FOXF2: variants seen among roughly 807,000 people sequenced by gnomAD.
FOXF2 encodes the protein forkhead box F2.
Under a neutral mutation model 29.1 loss-of-function variants are expected in FOXF2, and 15 were observed. That is an observed-to-expected ratio of 0.52 (90% CI 0.35 to 0.79). FOXF2 has a LOEUF of 0.79. Among genes scored for constraint, FOXF2 ranks in the 30% least tolerant of loss-of-function variants. The pLI, the probability that FOXF2 is intolerant of heterozygous loss-of-function variation, is 0.01. For synonymous variants in FOXF2, 337 were observed against 316.5 expected, an observed-to-expected ratio of 1.06 and a Z score of -0.69; for missense variants, 675 against 667.1, an observed-to-expected ratio of 1.01 and a Z score of -0.13.
chr6:1,394,607 C>G, intron 1 of FOXF2, 89 bp from the exon 2 acceptor site: 1 of 1,285,038 alleles, frequency 7.8e-7, no homozygotes, highest in Non-Finnish European at 1.1e-6. Flanking sequence ...CACAGCAGCA[C>G]CTTTTGTACT....
rs2113367345 is a variant in FOXF2, at chr6:1,390,151, C to T, written c.204C>T (p.Ala68=). The change falls in exon 1 of 2, where the codon GCC becomes GCT. Residue 68 remains alanine, a synonymous_variant. Coordinates refer to ENST00000645481, the MANE Select transcript of FOXF2 (RefSeq NM_001452.2). The surrounding 1 kb of genome is among the most constrained non-coding windows in gnomAD (Gnocchi z 8.5). Reference sequence around the variant, plus strand: ...CGTCCTCCTCCAATTCGGCCAGCGCCCCCTCGGCTGCCTGCAAGAGCGCGG... The same window carrying T: ...CGTCCTCCTCCAATTCGGCCAGCGCTCCCTCGGCTGCCTGCAAGAGCGCGG... ...SSSSSSNSAS[A]PSAACKSAGG... is the part of the protein sequence containing the mutation. 6.8e-7 allele frequency: 1 copy of T among 1,460,776 alleles called. No homozygotes were observed. Among genetic ancestry groups the T allele is most frequent in the Non-Finnish European group, 9.1e-7 (1 of 1,096,366 alleles). 90.5% of individuals were successfully genotyped at this position (1,460,776 alleles called of 1,614,324 possible). A position where few individuals can be genotyped will look rare whatever the true frequency, so the allele number is the denominator to read the frequency against.
rs923696923 is a variant in FOXF2, at chr6:1,390,506, G to A, written c.559G>A (p.Gly187Ser). 6.2e-6 allele frequency: 10 copies of A among 1,610,934 alleles called. No individual in the cohort carries two copies. Among genetic ancestry groups the A allele is most frequent in the Non-Finnish European group, 8.5e-6 (10 of 1,179,528 alleles). ...GGCCAGCGAGTTCATGTTCGAGGAG[G>A]GCTCGTTCCGCCGCCGGCCGCGCGG... Reference protein sequence around the residue: ...DPASEFMFEEGSFRRRPRGFR... With the variant: ...DPASEFMFEESSFRRRPRGFR... Residue 187 changes from glycine (G) to serine (S), a missense_variant, in exon 1 of 2, where the codon GGC (glycine) becomes AGC (serine). Gly to Ser is a moderately conservative substitution (Grantham distance 56). Transcript: ENST00000645481. This position sits in a 1 kb window ranked among gnomAD's most constrained non-coding sequence, Gnocchi z 8.5.
Position 1,390,156 on chromosome 6 carries a change from C to G in FOXF2, c.209C>G (p.Ser70Trp). Residue 70 changes from serine (S) to tryptophan (W), a missense_variant, in exon 1 of 2, where the codon TCG (serine) becomes TGG (tryptophan). Physicochemically the swap from Ser to Trp is radical, Grantham distance 177. Transcript: ENST00000645481. This position sits in a 1 kb window ranked among gnomAD's most constrained non-coding sequence, Gnocchi z 8.5. ...SSSSNSASAP[S>W]AACKSAGGGG... ...TCCTCCAATTCGGCCAGCGCCCCCT[C>G]GGCTGCCTGCAAGAGCGCGGGCGGC... The G allele has an allele frequency of 6.8e-7, 1 of 1,461,376 alleles. No individual in the cohort carries two copies. Among genetic ancestry groups the G allele is most frequent in the African/African-American group, 1.5e-5 (1 of 67,404 alleles). The allele number at this position is 1,461,376 out of a possible 1,614,324, so 90.5% of individuals were successfully genotyped here.
In FOXF2 at chr6:1,390,796, C is replaced by T; in HGVS notation, c.849C>T (p.Thr283=). ...VPHMSPNPGS[T]YMASCPVPAG... ...ACATGTCGCCCAACCCGGGTTCCAC[C>T]TACATGGCCAGCTGCCCGGTGCCCG... The change falls in exon 1 of 2, where the codon ACC becomes ACT. Residue 283 remains threonine (T), a synonymous_variant. Transcript: ENST00000645481. This position sits in a 1 kb window ranked among gnomAD's most constrained non-coding sequence, Gnocchi z 8.5. 7.2e-7 allele frequency: 1 copy of T among 1,386,866 alleles called. No individual in the cohort carries two copies. 85.9% of individuals were successfully genotyped at this position (1,386,866 alleles called of 1,614,324 possible). A position where few individuals can be genotyped will look rare whatever the true frequency, so the allele number is the denominator to read the frequency against.
intron 1 of FOXF2, among the ~76,000 whole-genome samples, chr6:1,392,632 T>C (rs1193927966): frequency 1.3e-5 from 2 of 151,160 alleles, no homozygotes; most frequent in Non-Finnish European, 2.9e-5. Flanking sequence ...AACCGTACTC[T>C]AGGAAGAAAA....
At chr6:1,392,891 T>C (rs963104719) in intron 1 of FOXF2, among the ~76,000 whole-genome samples, 2 of 152,096 alleles carry the variant, frequency 1.3e-5, no homozygotes, top group African/African-American at 4.8e-5. Flanking sequence ...GGGGAGACAA[T>C]AGCTCGGGCC....
In FOXF2 at chr6:1,390,191, G is replaced by A. The variant is rs1245090174; in HGVS notation, c.244G>A (p.Gly82Ser). Residue 82 changes from glycine to serine, a missense_variant, in exon 1 of 2, where the codon GGC becomes AGC. This residue lies in a region of FOXF2 where 220 missense variants were observed against 205.5 expected (regional missense o/e 1.07). Coordinates refer to ENST00000645481, the MANE Select transcript of FOXF2 (RefSeq NM_001452.2). The surrounding 1 kb of genome is among the most constrained non-coding windows in gnomAD (Gnocchi z 8.5). ...ACKSAGGGGA[G>S]AGSGGAKKAS... The stretch of plus-strand genomic sequence containing the variant: ...CAAGAGCGCGGGCGGCGGCGGCGCG[G>A]GCGCCGGGAGCGGGGGCGCCAAGAA... 6.8e-7 allele frequency: 1 copy of A among 1,480,702 alleles called. No individual in the cohort carries two copies. Among genetic ancestry groups the A allele is most frequent in the South Asian group, 1.3e-5 (1 of 75,062 alleles). The allele number at this position is 1,480,702 out of a possible 1,614,324, so 91.7% of individuals were successfully genotyped here.
chr6:1,394,485 T>C (rs1457915442), intron 1 of FOXF2, among the ~76,000 whole-genome samples: 1 of 152,150 alleles, frequency 6.6e-6, no homozygotes, highest in Non-Finnish European at 1.5e-5. Context: ...TGTGCGAGCA[T>C]CAAAACAAAA....
rs1311180499 is a variant in FOXF2, at chr6:1,395,208, G to A, written c.*349G>A. The A allele has an allele frequency of 6.4e-6, 2 of 311,724 alleles. No homozygotes were observed. The highest frequency in any genetic ancestry group is 1.2e-5 in the Non-Finnish European group (2 of 164,242). 19.3% of individuals were successfully genotyped at this position (311,724 alleles called of 1,614,324 possible). On this transcript the variant is annotated 3_prime_UTR_variant, in exon 2 of 2. Coordinates refer to ENST00000645481, the MANE Select transcript of FOXF2 (RefSeq NM_001452.2). ...TGTGAAAAAAGCAGACAAGTTGTGT[G>A]TGTGTGTGTGTGTCTAAGAAAACTT...
chr6:1,393,639 G>GC (rs1273450337), intron 1 of FOXF2, among the ~76,000 whole-genome samples: 1 of 152,170 alleles, frequency 6.6e-6, no homozygotes, highest in Non-Finnish European at 1.5e-5. Context: ...CAGGGCCCGA[G>GC]CCCGGCGGGC....
In FOXF2 at chr6:1,390,779, C is replaced by T. The variant is rs756284004; in HGVS notation, c.832C>T (p.Pro278Ser). Residue 278 changes from proline to serine, a missense_variant, in exon 1 of 2, where the codon CCC becomes TCC. By Grantham distance (74) the Pro-to-Ser change is moderately conservative. Coordinates refer to ENST00000645481, the MANE Select transcript of FOXF2 (RefSeq NM_001452.2). This position sits in a 1 kb window ranked among gnomAD's most constrained non-coding sequence, Gnocchi z 8.5. ...CCACCACCACGTCCCGCACATGTCG[C>T]CCAACCCGGGTTCCACCTACATGGC... is the stretch of plus-strand genomic sequence containing the variant. ...HHHHHVPHMS[P>S]NPGSTYMASC... The T allele has an allele frequency of 4.4e-5, 61 of 1,390,584 alleles. No individual in the cohort carries two copies. Among genetic ancestry groups the T allele is most frequent in the Non-Finnish European group, 6.5e-6 (7 of 1,083,594 alleles). 86.1% of individuals were successfully genotyped at this position (1,390,584 alleles called of 1,614,324 possible).
At chr6:1,391,897 T>C (rs1758795573) in intron 1 of FOXF2, among the ~76,000 whole-genome samples, 1 of 152,154 alleles carries the variant, frequency 6.6e-6, no homozygotes, top group African/African-American at 2.4e-5. Context: ...TGAAAAATTA[T>C]TGACTTGCTG....
chr6:1,390,081 C>A lies in FOXF2; in HGVS notation c.134C>A (p.Thr45Asn). The A allele has an allele frequency of 7.1e-7, 1 of 1,413,524 alleles. No homozygotes were observed. Among genetic ancestry groups the A allele is most frequent in the Non-Finnish European group, 9.3e-7 (1 of 1,072,042 alleles). 87.6% of individuals were successfully genotyped at this position (1,413,524 alleles called of 1,614,324 possible). A position where few individuals can be genotyped will look rare whatever the true frequency, so the allele number is the denominator to read the frequency against. ...GCCGCCGCCGCCGCCCCGGAGACCA[C>A]CTCCTCCTCCTCGTCGTCGTCCTCC... ...AAAAAAAPET[T>N]SSSSSSSSAS... The change falls in exon 1 of 2, where the codon ACC (threonine) becomes AAC (asparagine). Residue 45 changes from threonine (T) to asparagine (N), a missense_variant. By Grantham distance (65) the Thr-to-Asn change is moderately conservative. Coordinates refer to ENST00000645481, the MANE Select transcript of FOXF2 (RefSeq NM_001452.2). This position sits in a 1 kb window ranked among gnomAD's most constrained non-coding sequence, Gnocchi z 8.5.
Position 1,390,853 on chromosome 6 carries a change from C to CGTT in FOXF2, c.907_908insTTG (p.Gly302_Gly303insVal). On this transcript the variant is annotated inframe_insertion, in exon 1 of 2. Transcript: ENST00000645481. The surrounding 1 kb of genome is among the most constrained non-coding windows in gnomAD (Gnocchi z 8.5). ...CCGGGGGCGTCGGTGCGGCCGGGGG[C>CGTT]GGCGGCGGCGGCGACTACGGGCCGG... 2 of 1,410,940 alleles carry CGTT rather than the reference C, an allele frequency of 1.4e-6. No homozygotes were observed. Among genetic ancestry groups the CGTT allele is most frequent in the Non-Finnish European group, 1.8e-6 (2 of 1,083,540 alleles). The allele number at this position is 1,410,940 out of a possible 1,614,324, so 87.4% of individuals were successfully genotyped here.
In FOXF2 at chr6:1,394,636, C is replaced by A. The variant is rs951420915; in HGVS notation, c.1172-60C>A. On this transcript the variant is annotated intron_variant, in intron 1 of 1. Coordinates refer to ENST00000645481, the MANE Select transcript of FOXF2 (RefSeq NM_001452.2). The stretch of plus-strand genomic sequence containing the variant: ...TTGTACTCTGAGGCAAAATAAGACA[C>A]CCTGCCATCCACTGGATGACTTTGT... 5.1e-6 allele frequency: 8 copies of A among 1,553,480 alleles called. No homozygotes were observed. In the Admixed American group the frequency reaches 1.2e-4, roughly 23 times the overall value.
At position 1,390,708 on chromosome 6, in the gene FOXF2, A is replaced by G; in HGVS notation, c.761A>G (p.Asp254Gly). 1 of 1,454,208 alleles carries G rather than the reference A, an allele frequency of 6.9e-7. No individual in the cohort carries two copies. The highest frequency in any genetic ancestry group is 9.0e-7 in the Non-Finnish European group (1 of 1,114,150). 90.1% of individuals were successfully genotyped at this position (1,454,208 alleles called of 1,614,324 possible). Residue 254 changes from aspartate (D) to glycine (G), a missense_variant, in exon 1 of 2, where the codon GAC becomes GGC. Coordinates refer to ENST00000645481, the MANE Select transcript of FOXF2 (RefSeq NM_001452.2). The surrounding 1 kb of genome is among the most constrained non-coding windows in gnomAD (Gnocchi z 8.5). ...GGLDMMPAGYDAGAGAPSHAH... is the reference protein window; with the variant it reads ...GGLDMMPAGYGAGAGAPSHAH... The stretch of plus-strand genomic sequence containing the variant: ...CTCGACATGATGCCCGCGGGCTACG[A>G]CGCCGGCGCGGGCGCCCCCAGCCAC...
rs779367418 is a variant in FOXF2 at position 1,390,374 on chromosome 6, G to T, written c.427G>T (p.Gly143Cys). 6.2e-7 allele frequency: 1 copy of T among 1,612,404 alleles called. No homozygotes were observed. Among genetic ancestry groups the T allele is most frequent in the Admixed American group, 1.7e-5 (1 of 60,030 alleles). ...CCCCTTCTTCCGCGGCGCCTACCAG[G>T]GCTGGAAGAACTCGGTGCGCCACAA... ...RFPFFRGAYQGWKNSVRHNLS... is the reference protein window; with the variant it reads ...RFPFFRGAYQCWKNSVRHNLS... The change falls in exon 1 of 2, where the codon GGC (glycine) becomes TGC (cysteine). Residue 143 changes from glycine (G) to cysteine (C), a missense_variant. Around this residue, in one of 3 missense-constraint regions of FOXF2, gnomAD observed 4 missense variants for 24.4 expected, o/e 0.16. Coordinates refer to ENST00000645481, the MANE Select transcript of FOXF2 (RefSeq NM_001452.2). This position sits in a 1 kb window ranked among gnomAD's most constrained non-coding sequence, Gnocchi z 8.5.
Position 1,390,481 on chromosome 6 carries a change from G to A in FOXF2, c.534G>A (p.Pro178=), listed in dbSNP as rs754655088. The A allele has an allele frequency of 2.5e-6, 4 of 1,611,826 alleles. No individual in the cohort carries two copies. Among genetic ancestry groups the A allele is most frequent in the African/African-American group, 2.7e-5 (2 of 74,898 alleles). The change falls in exon 1 of 2, where the codon CCG becomes CCA. Residue 178 remains proline, a synonymous_variant. Transcript: ENST00000645481. The surrounding 1 kb of genome is among the most constrained non-coding windows in gnomAD (Gnocchi z 8.5). Reference sequence around the variant, plus strand: ...AGGGCCACTACTGGACCATCGACCCGGCCAGCGAGTTCATGTTCGAGGAGG... The same window carrying A: ...AGGGCCACTACTGGACCATCGACCCAGCCAGCGAGTTCATGTTCGAGGAGG... ...PGKGHYWTID[P]ASEFMFEEGS...
chr6:1,393,033 G>A (rs1758824908), intron 1 of FOXF2, among the ~76,000 whole-genome samples: 1 of 152,322 alleles, frequency 6.6e-6, no homozygotes, highest in South Asian at 2.1e-4. Context: ...CCGGCCGGAT[G>A]CACCGGGACC....
Sources: allele counts gnomAD v4.1 joint callset (sites outside exome capture counted in the v4.1 genomes callset), GRCh38; gene constraint gnomAD v4.1.1; regional missense constraint gnomAD v4.1.1; non-coding constraint Gnocchi (gnomAD v3.1); transcripts MANE v1.5; gene names NCBI Gene and HGNC (gene_info 2026-07-23, HGNC 2026-07-21).